Variants in TPCN1 observed in about 807,000 individuals in gnomAD.
The protein encoded by TPCN1 is two pore channel protein 1.
A neutral mutation model predicts 108.8 loss-of-function variants in TPCN1; 52 were observed. That is an observed-to-expected ratio of 0.48 (90% CI 0.38 to 0.60). TPCN1 has a LOEUF of 0.60. Among genes scored for constraint, TPCN1 ranks in the 20% least tolerant of loss-of-function variants. TPCN1 has a pLI of 0.00. For synonymous variants in TPCN1, 446 were observed against 433.7 expected, an observed-to-expected ratio of 1.03 and a Z score of -0.35; for missense variants, 806 against 1,072.8, an observed-to-expected ratio of 0.75 and a Z score of 3.47.
chr12:113,245,914 C>T (rs1274370297), intron 2 of TPCN1: 10 of 455,332 alleles, frequency 2.2e-5, no homozygotes, highest in South Asian at 1.2e-4. Flanking sequence ...ACCACCAGGA[C>T]GCTGCTGCAT....
rs1953490738 is a variant in TPCN1, at chr12:113,226,909, C to T, written c.57C>T (p.Gly19=). ...VPLILTLDEG[G]SAPLAPSNGL... ...TCATCCTGACCTTGGATGAGGGTGGCAGTGCCCCACTGGCTCCCTCCAACG... is the reference window on the plus strand; with the variant it reads ...TCATCCTGACCTTGGATGAGGGTGGTAGTGCCCCACTGGCTCCCTCCAACG... The change falls in exon 2 of 28, where the codon GGC becomes GGT. Residue 19 remains glycine (G), a synonymous_variant. Transcript: ENST00000335509. 6.2e-7 allele frequency: 1 copy of T among 1,614,098 alleles called. No homozygotes were observed. Among genetic ancestry groups the T allele is most frequent in the Non-Finnish European group, 8.5e-7 (1 of 1,180,012 alleles).
chr12:113,283,506 C>T (rs1955962451), intron 15 of TPCN1, among the ~76,000 whole-genome samples: 1 of 151,228 alleles, frequency 6.6e-6, no homozygotes, highest in South Asian at 2.1e-4. Flanking sequence ...TGGTGGTGTG[C>T]ACCTGTGTTC....
At position 113,288,377 on chromosome 12, in the gene TPCN1, G is replaced by A. The variant is rs550762344; in HGVS notation, c.1706+143G>A. 1.3e-3 allele frequency: 1,963 copies of A among 1,505,464 alleles called. 2 individuals carry two copies. Among genetic ancestry groups the A allele is most frequent in the Non-Finnish European group, 1.6e-3 (1,859 of 1,129,032 alleles). 93.3% of individuals were successfully genotyped at this position (1,505,464 alleles called of 1,614,324 possible). ...GCCTGACGGGGCTCCAAGGAGCCTG[G>A]AATCTTGACCACCACAGGTCTCCTG... On this transcript the variant is annotated intron_variant, in intron 20 of 27. Coordinates refer to ENST00000335509, the MANE Select transcript of TPCN1 (RefSeq NM_017901.6). The surrounding 1 kb of genome is among the most constrained non-coding windows in gnomAD (Gnocchi z 4.8).
At chr12:113,262,261 T>C (rs1217409655) in intron 3 of TPCN1, among the ~76,000 whole-genome samples, 5 of 152,084 alleles carry the variant, frequency 3.3e-5, no homozygotes, top group Non-Finnish European at 5.9e-5. Flanking sequence ...AATACAAAAA[T>C]TAGCCAGGCG....
chr12:113,293,531 T>C (rs915251312), intron 27 of TPCN1, among the ~76,000 whole-genome samples, 182 bp downstream of exon 27: 1 of 152,156 alleles, frequency 6.6e-6, no homozygotes, highest in Non-Finnish European at 1.5e-5. Flanking sequence ...CTTGAACCCT[T>C]GACTCGTGCC....
At chr12:113,262,324 C>T (rs1432625239) in intron 3 of TPCN1, among the ~76,000 whole-genome samples, 4 of 150,740 alleles carry the variant, frequency 2.7e-5, no homozygotes, top group African/African-American at 7.3e-5. Flanking sequence ...GTGAAGGGAT[C>T]GCCTGAGTCT....
chr12:113,272,575 A>T lies in TPCN1; in HGVS notation c.749-83A>T. On this transcript the variant is annotated intron_variant, in intron 7 of 27. Transcript: ENST00000335509. This position sits in a 1 kb window ranked among gnomAD's most constrained non-coding sequence, Gnocchi z 4.1. ...TTCCTGACCTGCTGCGTTCATTTGC[A>T]TGTATTTGTCCAGTCCTTTTGACAC... 2 of 1,259,938 alleles carry T rather than the reference A, an allele frequency of 1.6e-6. No homozygotes were observed. The allele number at this position is 1,259,938 out of a possible 1,614,324, so 78.0% of individuals were successfully genotyped here. A position where few individuals can be genotyped will look rare whatever the true frequency, so the allele number is the denominator to read the frequency against.
At chr12:113,244,792 G>A (rs1954288630) in intron 2 of TPCN1, 1 of 981,384 alleles carries the variant, frequency 1.0e-6, no homozygotes, top group Non-Finnish European at 1.2e-6. Flanking sequence ...GGTTGGCACT[G>A]GTCCCAGTTT....
rs1433831777 is a variant in TPCN1 at position 113,269,172 on chromosome 12, G to A, written c.659+300G>A. 1.3e-5 allele frequency among the ~76,000 whole-genome samples: 2 copies of A among 152,164 alleles called. No individual in the cohort carries two copies. The highest frequency in any genetic ancestry group is 2.9e-5 in the Non-Finnish European group (2 of 68,038). On this transcript the variant is annotated intron_variant, in intron 6 of 27. Coordinates refer to ENST00000335509, the MANE Select transcript of TPCN1 (RefSeq NM_017901.6). This position sits in a 1 kb window ranked among gnomAD's most constrained non-coding sequence, Gnocchi z 5.0. ...ACCCAAATGCAGGCAGCTCAGCAGCGTCCATGTGACACAAGCAGACTCTCC... is the reference window on the plus strand; with the variant it reads ...ACCCAAATGCAGGCAGCTCAGCAGCATCCATGTGACACAAGCAGACTCTCC...
At position 113,288,675 on chromosome 12, in the gene TPCN1, C is replaced by T; in HGVS notation, c.1707-83C>T. The T allele has an allele frequency of 6.3e-7, 1 of 1,580,600 alleles. No individual in the cohort carries two copies. ...CAGGGGCATGGCCCTGCAGTCAGCC[C>T]CACGGGTCCGAGGAGGCCGGGGCTG... On this transcript the variant is annotated intron_variant, in intron 20 of 27. Transcript: ENST00000335509. This position sits in a 1 kb window ranked among gnomAD's most constrained non-coding sequence, Gnocchi z 4.8.
intron 1 of TPCN1, among the ~76,000 whole-genome samples, chr12:113,222,841 C>T (rs1000476379): frequency 1.3e-5 from 2 of 152,088 alleles, no homozygotes; most frequent in African/African-American, 4.8e-5. Context: ...AAACCACTAG[C>T]CATTATGATA....
Position 113,288,379 on chromosome 12 carries a change from A to T in TPCN1, c.1706+145A>T. ...CTGACGGGGCTCCAAGGAGCCTGGA[A>T]TCTTGACCACCACAGGTCTCCTGGG... On this transcript the variant is annotated intron_variant, in intron 20 of 27. Coordinates refer to ENST00000335509, the MANE Select transcript of TPCN1 (RefSeq NM_017901.6). The surrounding 1 kb of genome is among the most constrained non-coding windows in gnomAD (Gnocchi z 4.8). The T allele has an allele frequency of 1.3e-6, 2 of 1,504,014 alleles. No individual in the cohort carries two copies. The highest frequency in any genetic ancestry group is 2.5e-5 in the South Asian group (2 of 79,824). 93.2% of individuals were successfully genotyped at this position (1,504,014 alleles called of 1,614,324 possible). A position where few individuals can be genotyped will look rare whatever the true frequency, so the allele number is the denominator to read the frequency against.
chr12:113,221,509 C>T lies in TPCN1; in HGVS notation c.-243C>T, dbSNP rs963793301. ...GTGGCAGTGGCTGAAGTGGCGGCGGCTTCGGCGGCTGCGGCGGCTGCAACA... is the reference window on the plus strand; with the variant it reads ...GTGGCAGTGGCTGAAGTGGCGGCGGTTTCGGCGGCTGCGGCGGCTGCAACA... On this transcript the variant is annotated 5_prime_UTR_variant, in exon 1 of 28. Coordinates refer to ENST00000335509, the MANE Select transcript of TPCN1 (RefSeq NM_017901.6). 5 of 290,526 alleles carry T rather than the reference C, an allele frequency of 1.7e-5. No homozygotes were observed. The highest frequency in any genetic ancestry group is 3.5e-5 in the Non-Finnish European group (5 of 143,338). 18.0% of individuals were successfully genotyped at this position (290,526 alleles called of 1,614,324 possible).
chr12:113,296,084 C>A lies in TPCN1; in HGVS notation c.*8C>A. ...TCCCAGACCGTTACCTAGCCCAGCG[C>A]CCGAAAGCCGTCTCTTCTATGCAAT... On this transcript the variant is annotated 3_prime_UTR_variant, in exon 28 of 28. Transcript: ENST00000335509. 2 of 1,612,282 alleles carry A rather than the reference C, an allele frequency of 1.2e-6. No individual in the cohort carries two copies. Among genetic ancestry groups the A allele is most frequent in the Non-Finnish European group, 1.7e-6 (2 of 1,179,006 alleles).
chr12:113,269,170 G>A lies in TPCN1; in HGVS notation c.659+298G>A, dbSNP rs1028536989. On this transcript the variant is annotated intron_variant, in intron 6 of 27. Transcript: ENST00000335509. This position sits in a 1 kb window ranked among gnomAD's most constrained non-coding sequence, Gnocchi z 5.0. ...CTACCCAAATGCAGGCAGCTCAGCA[G>A]CGTCCATGTGACACAAGCAGACTCT... Among the ~76,000 whole-genome samples, 1 of 152,206 alleles carries A rather than the reference G, an allele frequency of 6.6e-6. No homozygotes were observed. The highest frequency in any genetic ancestry group is 1.5e-5 in the Non-Finnish European group (1 of 68,032).
At chr12:113,275,137 T>C (rs1955628478) in intron 10 of TPCN1, among the ~76,000 whole-genome samples, 1 of 152,228 alleles carries the variant, frequency 6.6e-6, no homozygotes, top group Non-Finnish European at 1.5e-5. Context: ...TTTATTTTTA[T>C]GCTTCTGCAG....
intron 15 of TPCN1, among the ~76,000 whole-genome samples, chr12:113,282,629 A>C (rs1282724517): frequency 2.0e-5 from 3 of 149,340 alleles, no homozygotes; most frequent in Non-Finnish European, 4.4e-5. Flanking sequence ...GGTGGCTCAC[A>C]CCTGTAGTCC....
intron 22 of TPCN1, among the ~76,000 whole-genome samples, chr12:113,290,697 G>A (rs984914597): frequency 3.3e-5 from 5 of 152,190 alleles, no homozygotes; most frequent in Non-Finnish European, 7.3e-5. Flanking sequence ...CACCCAGTAA[G>A]ATCCAGATAG....
chr12:113,293,125 T>G (rs1257381744), intron 26 of TPCN1, 52 bp downstream of exon 26: 1 of 1,601,602 alleles, frequency 6.2e-7, no homozygotes, highest in Admixed American at 1.7e-5. Context: ...TCAGTGTGGG[T>G]GGCATAATCC....
Sources: gnomAD v4.1 joint callset for allele counts (sites outside exome capture counted in the v4.1 genomes callset) on GRCh38, gnomAD v4.1.1 for gene constraint, Gnocchi (gnomAD v3.1) non-coding constraint, MANE v1.5 for transcripts, NCBI Gene and HGNC (gene_info 2026-07-23, HGNC 2026-07-21) for gene names.